TACC1: variants seen among roughly 807,000 people sequenced by gnomAD.
TACC1 encodes the protein transforming acidic coiled-coil containing protein 1, also known as transforming acidic coiled-coil-containing protein 1.
Under a neutral mutation model 84.4 loss-of-function variants are expected in TACC1, and 48 were observed. The observed-to-expected ratio is 0.57, with a 90% CI of 0.45 to 0.72. The LOEUF (loss-of-function observed/expected upper bound fraction) is 0.72, where lower values mean the gene tolerates loss of function less well. Ranked by LOEUF, TACC1 falls within the 30% of genes least tolerant of loss-of-function variation. The pLI is 0.00. For synonymous variants in TACC1, 372 were observed against 376.3 expected (o/e 0.99, Z 0.13); for missense variants, 920 against 973.0 (o/e 0.95, Z 0.72).
chr8:38,828,194 T>G (rs1197481767), intron 5 of TACC1: 1 of 152,190 alleles, frequency 6.6e-6, no homozygotes, highest in Non-Finnish European at 1.5e-5. Flanking sequence ...ACAGGCATTG[T>G]TTTAAGTGCT....
At position 38,819,522 on chromosome 8, in the gene TACC1, A is replaced by C; in HGVS notation, c.278A>C (p.Glu93Ala). ...AGATGGTTTTTGTGTTTCATTTTAG[A>C]ATCACAAGAAGCTGATGAACAGCTT... ...GLAGPGAKSQ[E>A]SQEADEQLVA... Residue 93 changes from glutamate to alanine, a missense_variant and splice_region_variant, in exon 3 of 13, where the codon GAA becomes GCA. Glu to Ala is a moderately radical substitution (Grantham distance 107). Transcript: ENST00000317827. The C allele has an allele frequency of 6.3e-7, 1 of 1,595,576 alleles. No homozygotes were observed. The highest frequency in any genetic ancestry group is 8.6e-7 in the Non-Finnish European group (1 of 1,169,344).
rs906339405 is a variant in TACC1 at position 38,787,436 on chromosome 8, C to T, written c.-147C>T. ...CGGGAGGAAGCGCTCCACCAGGGCC[C>T]CCGACGGCACTCGTTTAACCACATC... On this transcript the variant is annotated 5_prime_UTR_variant, in exon 1 of 13. Coordinates refer to ENST00000317827, the MANE Select transcript of TACC1 (RefSeq NM_006283.3). The T allele has an allele frequency of 1.5e-6, 2 of 1,357,330 alleles. No homozygotes were observed. Among genetic ancestry groups the T allele is most frequent in the Non-Finnish European group, 1.9e-6 (2 of 1,061,150 alleles). 84.1% of individuals were successfully genotyped at this position (1,357,330 alleles called of 1,614,324 possible).
chr8:38,735,404 C>T (rs950356535), intron 1 of TACC1, among the ~76,000 whole-genome samples: 4 of 152,166 alleles, frequency 2.6e-5, no homozygotes, highest in African/African-American at 4.8e-5. Flanking sequence ...TTTCCACCCG[C>T]GCTGTGCCTG....
chr8:38,764,184 T>A (rs1279273550), intron 3 of TACC1, among the ~76,000 whole-genome samples: 1 of 152,084 alleles, frequency 6.6e-6, no homozygotes, highest in Non-Finnish European at 1.5e-5. Flanking sequence ...TTCAAGCAAT[T>A]CTCCTGCCTC....
intron 4 of TACC1, among the ~76,000 whole-genome samples, chr8:38,826,211 GA>G: frequency 6.6e-6 from 1 of 152,222 alleles, no homozygotes; most frequent in Middle Eastern, 3.4e-3. Flanking sequence ...TGTGATGGGG[GA>G]AATTTACAAT....
chr8:38,764,576 G>A (rs1302135287), intron 3 of TACC1, among the ~76,000 whole-genome samples: 1 of 152,008 alleles, frequency 6.6e-6, no homozygotes, highest in Non-Finnish European at 1.5e-5. Flanking sequence ...TTATGGACTG[G>A]TATATTAATT....
At chr8:38,835,187 G>A (rs1349848329) in intron 6 of TACC1, among the ~76,000 whole-genome samples, 1 of 151,600 alleles carries the variant, frequency 6.6e-6, no homozygotes, top group Non-Finnish European at 1.5e-5. Flanking sequence ...CCGGGAGGCG[G>A]AGCTTGCAGC....
At chr8:38,777,482 T>C (rs1815058207) in intron 3 of TACC1, among the ~76,000 whole-genome samples, 1 of 152,166 alleles carries the variant, frequency 6.6e-6, no homozygotes, top group African/African-American at 2.4e-5. Flanking sequence ...GTTTTCTTTT[T>C]AAAGACATTG....
intron 6 of TACC1, among the ~76,000 whole-genome samples, chr8:38,831,853 T>G (rs1829321929): frequency 6.7e-6 from 1 of 150,306 alleles, no homozygotes; most frequent in South Asian, 2.1e-4. Flanking sequence ...GTCACCCAGG[T>G]TGGAGTACAG....
chr8:38,804,392 C>T (rs1306990561), intron 2 of TACC1, among the ~76,000 whole-genome samples: 4 of 152,078 alleles, frequency 2.6e-5, no homozygotes, highest in East Asian at 1.9e-4. Flanking sequence ...CTCCGCCTCC[C>T]GGGTTCAAGC....
intron 2 of TACC1, among the ~76,000 whole-genome samples, chr8:38,800,857 T>G (rs1391410563): frequency 1.3e-5 from 2 of 152,234 alleles, no homozygotes; most frequent in East Asian, 3.8e-4. Context: ...ATTTTACATT[T>G]CTGCCAGTAG....
chr8:38,847,824 G>A (rs573762237), intron 12 of TACC1, 131 bp from the exon 13 acceptor site: 6 of 658,002 alleles, frequency 9.1e-6, no homozygotes, highest in South Asian at 7.2e-5. Context: ...CATCTCTGAT[G>A]TAGAAAAGTT....
At chr8:38,836,422 C>T (rs149432069) in intron 7 of TACC1, 135 bp downstream of exon 7, 42 of 1,210,586 alleles carry the variant, frequency 3.5e-5, no homozygotes, top group Middle Eastern at 5.4e-4. Context: ...TTGTTTAGGT[C>T]GTAAAAGGGC....
intron 2 of TACC1, among the ~76,000 whole-genome samples, chr8:38,810,198 A>G (rs1823745217): frequency 6.6e-6 from 1 of 152,096 alleles, no homozygotes; most frequent in Non-Finnish European, 1.5e-5. Context: ...TCATGTCATT[A>G]TACCTGTGAT....
chr8:38,825,764 C>A (rs1389928303), intron 4 of TACC1, among the ~76,000 whole-genome samples: 1 of 152,004 alleles, frequency 6.6e-6, no homozygotes, highest in Non-Finnish European at 1.5e-5. Flanking sequence ...TAGAGGAAAA[C>A]CTGAGTTGTC....
exon 3 of TACC1, chr8:38,745,362 A>G (rs1487596696): frequency 6.7e-6 from 4 of 599,256 alleles, no homozygotes. Context: ...TTCACAACCT[A>G]GCATTCATCA....
intron 3 of TACC1, among the ~76,000 whole-genome samples, chr8:38,746,005 T>C (rs1392420703): frequency 1.3e-5 from 2 of 152,118 alleles, no homozygotes. Flanking sequence ...TTTGTAGACA[T>C]GGGGTCTTGC....
At chr8:38,838,872 A>G (rs1044610529) in intron 8 of TACC1, among the ~76,000 whole-genome samples, 4 of 152,148 alleles carry the variant, frequency 2.6e-5, no homozygotes, top group African/African-American at 9.7e-5. Context: ...GATTTATCCA[A>G]TGATAGAGAC....
chr8:38,815,390 T>C (rs2152155520), intron 2 of TACC1, among the ~76,000 whole-genome samples: 1 of 152,340 alleles, frequency 6.6e-6, no homozygotes, highest in African/African-American at 2.4e-5. Flanking sequence ...ACAAAAATTA[T>C]GTGGACTCTA....
Sources: allele counts gnomAD v4.1 joint callset (sites outside exome capture counted in the v4.1 genomes callset), GRCh38; gene constraint gnomAD v4.1.1; transcripts MANE v1.5; gene names NCBI Gene and HGNC (gene_info 2026-07-23, HGNC 2026-07-21).